TNC: variants seen among roughly 807,000 people sequenced by gnomAD.
TNC encodes tenascin.
TNC carries 109 observed loss-of-function variants against 202.4 expected under a neutral mutation model. That is an observed-to-expected ratio of 0.54 (90% CI 0.46 to 0.63). The LOEUF (loss-of-function observed/expected upper bound fraction) is 0.63, where lower values mean the gene tolerates loss of function less well. TNC is among the 30% of genes least tolerant of loss of function. TNC has a pLI of 0.00. For missense variants in TNC, 2,756 were observed against 2,833.3 expected, an observed-to-expected ratio of 0.97 and a Z score of 0.62; for synonymous variants, 1,007 against 1,089.7, an observed-to-expected ratio of 0.92 and a Z score of 1.50.
rs187984996 is a variant in TNC, at chr9:115,066,338, G to A, written c.3215-1419C>T. ...GGAAATGGATCCTGTAAACTAGAGAGTAGAAACTGACTTTAAATCATTTAA... is the reference window on the plus strand; with the variant it reads ...GGAAATGGATCCTGTAAACTAGAGAATAGAAACTGACTTTAAATCATTTAA... On this transcript the variant is annotated intron_variant, in intron 10 of 27. Transcript: ENST00000350763. Among the ~76,000 whole-genome samples, 30 of 152,334 alleles carry A rather than the reference G, an allele frequency of 2.0e-4. No homozygotes were observed. The East Asian group carries it at 5.8e-3, about 29-fold the overall frequency.
chr9:115,047,406 A>G (rs1831289473), intron 16 of TNC, among the ~76,000 whole-genome samples: 1 of 152,148 alleles, frequency 6.6e-6, no homozygotes, highest in Non-Finnish European at 1.5e-5. Flanking sequence ...GTAGATTTAG[A>G]GCTGAGTTTC....
chr9:115,036,023 CG>C, intron 21 of TNC, 74 bp downstream of exon 21: 1 of 1,562,172 alleles, frequency 6.4e-7, no homozygotes, highest in East Asian at 2.3e-5. Flanking sequence ...AACTGGCTAG[CG>C]GTTCCTGTTT....
intron 17 of TNC, among the ~76,000 whole-genome samples, chr9:115,045,946 A>G (rs1332613570): frequency 2.0e-5 from 3 of 151,958 alleles, no homozygotes; most frequent in African/African-American, 7.3e-5. Flanking sequence ...TTATCTCCCT[A>G]CTTGGTATAG....
chr9:115,032,420 A>G (rs555357618), intron 22 of TNC, among the ~76,000 whole-genome samples: 5 of 152,338 alleles, frequency 3.3e-5, no homozygotes, highest in Non-Finnish European at 7.3e-5. Flanking sequence ...GGACATGCCA[A>G]TGACATAAAC....
At position 115,086,343 on chromosome 9, in the gene TNC, T is replaced by G. The variant is rs1834728559; in HGVS notation, c.1388A>C (p.Tyr463Ser). The G allele has an allele frequency of 1.9e-6, 3 of 1,614,006 alleles. 1 individual carries two copies. Among genetic ancestry groups the G allele is most frequent in the South Asian group, 2.2e-5 (2 of 91,076 alleles). The change falls in exon 3 of 28, where the codon TAT (tyrosine) becomes TCT (serine). Residue 463 changes from tyrosine to serine, a missense_variant. Physicochemically the swap from Tyr to Ser is moderately radical, Grantham distance 144. This residue lies in a region of TNC where 2,559 missense variants were observed against 2,546.0 expected (regional missense o/e 1.01). Transcript: ENST00000350763. The part of the protein sequence containing the change: ...KCVCEQGFKG[Y>S]DCSDMSCPND... The stretch of plus-strand genomic sequence containing the variant: ...AGGGCAGCTCATGTCACTGCAGTCA[T>G]AGCCCTTGAAGCCTTGCTCACATAC...
In TNC at chr9:115,087,527, G is replaced by GGTGTGTGTGT. The variant is rs57327715; in HGVS notation, c.458-264_458-255dup. Among the ~76,000 whole-genome samples, 516 of 148,824 alleles carry GGTGTGTGTGT rather than the reference G, an allele frequency of 3.5e-3. 3 individuals are homozygous for GGTGTGTGTGT. The highest frequency in any genetic ancestry group is 0.016 in the East Asian group (80 of 4,872). On this transcript the variant is annotated intron_variant, in intron 2 of 27. Coordinates refer to ENST00000350763, the MANE Select transcript of TNC (RefSeq NM_002160.4). The stretch of plus-strand genomic sequence containing the variant: ...AAAACAGTGTGTGATTATGCATAGG[G>GGTGTGTGTGT]GTGTGTGTGTGTGTGTGTGTGTGTG...
At chr9:115,051,537 C>CTTTTTTTTTT (rs5900117) in intron 15 of TNC, among the ~76,000 whole-genome samples, 1 of 131,310 alleles carries the variant, frequency 7.6e-6, no homozygotes, top group African/African-American at 2.8e-5. Flanking sequence ...TCTTTTTTTT[C>CTTTTTTTTTT]TTTTTTTTTT....
In TNC at chr9:115,108,395, C is replaced by A. The variant is rs548699030; in HGVS notation, c.-137+9587G>T. On this transcript the variant is annotated intron_variant, in intron 1 of 27. Coordinates refer to ENST00000350763, the MANE Select transcript of TNC (RefSeq NM_002160.4). ...AGATGATGCACTCTACTTCCCTGAACCATCCATTGGCTTCTAACCACACTC... is the reference window on the plus strand; with the variant it reads ...AGATGATGCACTCTACTTCCCTGAAACATCCATTGGCTTCTAACCACACTC... Among the ~76,000 whole-genome samples the A allele has an allele frequency of 7.9e-5, 12 of 152,286 alleles. No homozygotes were observed. The South Asian group carries it at 2.5e-3, about 32-fold the overall frequency.
At chr9:115,042,148 C>A in intron 18 of TNC, 71 bp downstream of exon 18, 1 of 1,547,280 alleles carries the variant, frequency 6.5e-7, no homozygotes. Context: ...TGAAAATTAT[C>A]AGGGTCTTTT....
At position 115,076,131 on chromosome 9, in the gene TNC, G is replaced by A. The variant is rs372837430; in HGVS notation, c.2861-10C>T. The stretch of plus-strand genomic sequence containing the variant: ...GTTCCCGGCCTCAGACCTAAGGAGA[G>A]AATGTGCAAGTTGAGATTCATCCTG... On this transcript the variant is annotated splice_polypyrimidine_tract_variant and intron_variant, in intron 8 of 27. Transcript: ENST00000350763. The A allele has an allele frequency of 6.8e-6, 11 of 1,611,526 alleles. No homozygotes were observed. Among genetic ancestry groups the A allele is most frequent in the Non-Finnish European group, 9.3e-6 (11 of 1,177,724 alleles).
At position 115,048,453 on chromosome 9, in the gene TNC, C is replaced by A; in HGVS notation, c.4659G>T (p.Glu1553Asp). Residue 1553 changes from glutamate to aspartate, a missense_variant, in exon 16 of 28, where the codon GAG (glutamate) becomes GAT (aspartate). By Grantham distance (45) the Glu-to-Asp change is conservative (BLOSUM62 2). This residue lies in a region of TNC where 2,559 missense variants were observed against 2,546.0 expected (regional missense o/e 1.01). Coordinates refer to ENST00000350763, the MANE Select transcript of TNC (RefSeq NM_002160.4). ...TTACTAGAAAGCTGTCAAAGGCATTCTCCGATGCCATCCAGGAAACTGTGA... is the reference window on the plus strand; with the variant it reads ...TTACTAGAAAGCTGTCAAAGGCATTATCCGATGCCATCCAGGAAACTGTGA... ...YGFTVSWMAS[E>D]NAFDSFLVTV... 1 of 1,614,016 alleles carries A rather than the reference C, an allele frequency of 6.2e-7. No individual in the cohort carries two copies. The highest frequency in any genetic ancestry group is 8.5e-7 in the Non-Finnish European group (1 of 1,179,946).
chr9:115,026,640 G>T lies in TNC; in HGVS notation c.6225C>A (p.Asp2075Glu), dbSNP rs917057552. 6.2e-7 allele frequency: 1 copy of T among 1,613,948 alleles called. No individual in the cohort carries two copies. Among genetic ancestry groups the T allele is most frequent in the South Asian group, 1.1e-5 (1 of 91,058 alleles). Residue 2075 changes from aspartate to glutamate, a missense_variant, in exon 26 of 28, where the codon GAC becomes GAA. Physicochemically the swap from Asp to Glu is conservative, Grantham distance 45. Coordinates refer to ENST00000350763, the MANE Select transcript of TNC (RefSeq NM_002160.4). ...TAQGQYELRV[D>E]LRDHGETAFA... is the part of the protein sequence containing the mutation. ...AGGCTGTCTCCCCATGGTCCCGCAG[G>T]TCCACCCGGAGCTCGTACTGCCCCT...
At chr9:115,100,522 T>C (rs1050500205) in intron 1 of TNC, among the ~76,000 whole-genome samples, 1 of 152,196 alleles carries the variant, frequency 6.6e-6, no homozygotes, top group Non-Finnish European at 1.5e-5. Context: ...AGCTAATCAG[T>C]GGTGACTTTA....
intron 25 of TNC, among the ~76,000 whole-genome samples, chr9:115,027,115 CA>C (rs760414563): frequency 1.5e-4 from 1 of 6,530 alleles, no homozygotes; most frequent in Non-Finnish European, 3.4e-4. Context: ...TCTCAGAAAG[CA>C]AAAAAAAAAA....
intron 1 of TNC, among the ~76,000 whole-genome samples, chr9:115,097,965 T>C (rs1835922396): frequency 2.6e-5 from 4 of 152,296 alleles, no homozygotes; most frequent in South Asian, 4.1e-4. Flanking sequence ...TGCTCACAGT[T>C]AGTCATCTGT....
intron 20 of TNC, among the ~76,000 whole-genome samples, chr9:115,037,150 C>T (rs1384092050): frequency 6.6e-6 from 1 of 152,214 alleles, no homozygotes; most frequent in African/African-American, 2.4e-5. Flanking sequence ...CCACCCCTAC[C>T]TGTGCTCTGT....
At chr9:115,057,631 G>T (rs147928443) in intron 14 of TNC, among the ~76,000 whole-genome samples, 1 of 152,204 alleles carries the variant, frequency 6.6e-6, no homozygotes, top group Non-Finnish European at 1.5e-5. Flanking sequence ...AAAAAGGAAG[G>T]TATGGCAATT....
chr9:115,088,538 C>T (rs1834968420), intron 2 of TNC, among the ~76,000 whole-genome samples: 1 of 152,086 alleles, frequency 6.6e-6, no homozygotes, highest in Non-Finnish European at 1.5e-5. Context: ...GCTCAGTTTG[C>T]AGAAGTCATT....
At chr9:115,058,616 T>C (rs2132481435) in intron 14 of TNC, among the ~76,000 whole-genome samples, 1 of 152,326 alleles carries the variant, frequency 6.6e-6, no homozygotes, top group Admixed American at 6.5e-5. Context: ...GCCTGTGCTT[T>C]ATGTTTCTTT....
Sources: allele counts gnomAD v4.1 joint callset (sites outside exome capture counted in the v4.1 genomes callset), GRCh38; gene constraint gnomAD v4.1.1; regional missense constraint gnomAD v4.1.1; transcripts MANE v1.5; gene names NCBI Gene and HGNC (gene_info 2026-07-23, HGNC 2026-07-21).